GABRB1: variants seen among roughly 807,000 people sequenced by gnomAD.
GABRB1 encodes gamma-aminobutyric acid receptor subunit beta-1.
A neutral mutation model predicts 51.6 loss-of-function variants in GABRB1; 17 were observed. That is an observed-to-expected ratio of 0.33 (90% CI 0.23 to 0.49). The LOEUF (loss-of-function observed/expected upper bound fraction) is 0.49, where lower values mean the gene tolerates loss of function less well. Among genes scored for constraint, GABRB1 ranks in the 20% least tolerant of loss-of-function variants. The pLI, the probability that GABRB1 is intolerant of heterozygous loss-of-function variation, is 0.99. For synonymous variants in GABRB1, 247 were observed against 218.9 expected, an observed-to-expected ratio of 1.13 and a Z score of -1.14; for missense variants, 410 against 600.6, an observed-to-expected ratio of 0.68 and a Z score of 3.32.
intron 4 of GABRB1, among the ~76,000 whole-genome samples, chr4:47,218,226 C>T (rs983261330): frequency 8.6e-5 from 13 of 151,802 alleles, no homozygotes; most frequent in African/African-American, 2.7e-4. Flanking sequence ...TGTTCTTTAT[C>T]CATTCATCTA....
At chr4:47,340,369 C>A (rs1381214811) in intron 5 of GABRB1, among the ~76,000 whole-genome samples, 1 of 150,076 alleles carries the variant, frequency 6.7e-6, no homozygotes, top group Non-Finnish European at 1.5e-5. Flanking sequence ...AAATAATGGC[C>A]TTTCCTCCAC....
chr4:47,307,913 A>G (rs1474124437), intron 4 of GABRB1, among the ~76,000 whole-genome samples: 1 of 152,040 alleles, frequency 6.6e-6, no homozygotes, highest in Non-Finnish European at 1.5e-5. Flanking sequence ...GAACAAAAAT[A>G]TTACAATATC....
chr4:47,031,736 G>A lies in GABRB1; in HGVS notation c.80+5G>A. 6.2e-7 allele frequency: 1 copy of A among 1,610,426 alleles called. No homozygotes were observed. Among genetic ancestry groups the A allele is most frequent in the Non-Finnish European group, 8.5e-7 (1 of 1,177,554 alleles). On this transcript the variant is annotated splice_donor_5th_base_variant and intron_variant, in intron 1 of 8. Coordinates refer to ENST00000295454, the MANE Select transcript of GABRB1 (RefSeq NM_000812.4). ...CATGGTCTGTTGTGCACACAGGTGA[G>A]CTGCTGTTGTTGAATCTCGCTCTCT...
At chr4:47,249,983 G>T (rs373711388) in intron 4 of GABRB1, among the ~76,000 whole-genome samples, 78 of 152,196 alleles carry the variant, frequency 5.1e-4, no homozygotes, top group African/African-American at 1.9e-3. Flanking sequence ...TTTCTTGCCT[G>T]TGTACTTTGG....
intron 4 of GABRB1, among the ~76,000 whole-genome samples, chr4:47,201,174 A>G (rs894734618): frequency 6.6e-6 from 1 of 152,172 alleles, no homozygotes; most frequent in East Asian, 1.9e-4. Context: ...TACAAAAAAA[A>G]TATTGAGGAA....
chr4:47,236,015 CT>C (rs1211112623), intron 4 of GABRB1, among the ~76,000 whole-genome samples: 1 of 151,756 alleles, frequency 6.6e-6, no homozygotes, highest in Non-Finnish European at 1.5e-5. Context: ...TCTTATAATG[CT>C]TTTTTTAAAC....
intron 5 of GABRB1, among the ~76,000 whole-genome samples, chr4:47,334,909 C>A (rs950411719): frequency 1.3e-5 from 2 of 152,132 alleles, no homozygotes; most frequent in Admixed American, 6.6e-5. Context: ...ATGTAAAGGA[C>A]TTGTTCTCTG....
intron 4 of GABRB1, among the ~76,000 whole-genome samples, chr4:47,263,283 A>G (rs778828256): frequency 3.3e-5 from 5 of 152,144 alleles, no homozygotes; most frequent in Non-Finnish European, 5.9e-5. Flanking sequence ...TAAATATTGC[A>G]TGAAATATAG....
intron 5 of GABRB1, among the ~76,000 whole-genome samples, chr4:47,331,179 G>C (rs898769981): frequency 6.6e-6 from 1 of 152,024 alleles, no homozygotes; most frequent in Non-Finnish European, 1.5e-5. Flanking sequence ...TATGTTCATA[G>C]AAATGTTAAT....
chr4:47,374,625 T>G (rs1401537208), intron 5 of GABRB1, among the ~76,000 whole-genome samples: 9 of 152,176 alleles, frequency 5.9e-5, no homozygotes, highest in Non-Finnish European at 1.0e-4. Context: ...TTTTAGCCCT[T>G]GAGTCATAGC....
chr4:47,411,786 A>G (rs1324496752), intron 8 of GABRB1, among the ~76,000 whole-genome samples: 6 of 152,234 alleles, frequency 3.9e-5, no homozygotes, highest in Non-Finnish European at 7.3e-5. Flanking sequence ...ATAGTTTCCA[A>G]ATAAAAAGTT....
intron 3 of GABRB1, among the ~76,000 whole-genome samples, chr4:47,101,943 C>A (rs1714741682): frequency 6.6e-6 from 1 of 152,002 alleles, no homozygotes; most frequent in Non-Finnish European, 1.5e-5. Flanking sequence ...GCGCCTCCTT[C>A]ATGTCTGAAG....
intron 4 of GABRB1, among the ~76,000 whole-genome samples, chr4:47,269,525 G>C (rs1451124696): frequency 6.6e-6 from 1 of 152,116 alleles, no homozygotes; most frequent in Non-Finnish European, 1.5e-5. Context: ...GTGTGGGGGA[G>C]GGGGTAGGTT....
intron 4 of GABRB1, among the ~76,000 whole-genome samples, chr4:47,309,985 ACT>A (rs1387852866): frequency 6.6e-6 from 1 of 151,978 alleles, no homozygotes; most frequent in Non-Finnish European, 1.5e-5. Flanking sequence ...GCATATAATA[ACT>A]CTCTTTTCTT....
chr4:47,227,967 C>T lies in GABRB1; in HGVS notation c.461+66498C>T, dbSNP rs562632031. Among the ~76,000 whole-genome samples the T allele has an allele frequency of 1.5e-4, 23 of 152,222 alleles. No homozygotes were observed. In the South Asian group the frequency reaches 2.1e-3, roughly 14 times the overall value. On this transcript the variant is annotated intron_variant, in intron 4 of 8. Coordinates refer to ENST00000295454, the MANE Select transcript of GABRB1 (RefSeq NM_000812.4). The stretch of plus-strand genomic sequence containing the variant: ...GATTGGATTAGCACCCATCTAATAG[C>T]CTCATTTTAACGTAATTATCTCTTT...
intron 4 of GABRB1, among the ~76,000 whole-genome samples, chr4:47,207,459 A>T (rs1319867790): frequency 6.6e-6 from 1 of 152,046 alleles, no homozygotes; most frequent in Non-Finnish European, 1.5e-5. Context: ...TGACTTCTCC[A>T]TTAAAATTAG....
intron 4 of GABRB1, among the ~76,000 whole-genome samples, chr4:47,291,935 T>A (rs1264115935): frequency 7.2e-5 from 11 of 152,216 alleles, no homozygotes; most frequent in Non-Finnish European, 2.9e-5. Flanking sequence ...TTTGAGTTAA[T>A]GCTGAAATGA....
At chr4:47,227,227 T>G (rs1403409868) in intron 4 of GABRB1, among the ~76,000 whole-genome samples, 1 of 152,186 alleles carries the variant, frequency 6.6e-6, no homozygotes, top group African/African-American at 2.4e-5. Flanking sequence ...TCATTCATTT[T>G]TTCGTGCAAA....
chr4:47,307,176 AT>A (rs1724503054), intron 4 of GABRB1, among the ~76,000 whole-genome samples: 1 of 152,216 alleles, frequency 6.6e-6, no homozygotes, highest in South Asian at 2.1e-4. Context: ...TTAGTTTATA[AT>A]TTCTTTGTTA....
Sources: gnomAD v4.1 joint callset for allele counts (sites outside exome capture counted in the v4.1 genomes callset) on GRCh38, gnomAD v4.1.1 for gene constraint, MANE v1.5 for transcripts, NCBI Gene and HGNC (gene_info 2026-07-23, HGNC 2026-07-21) for gene names.